The following CAMK2D variants were observed in gnomAD, a reference collection of about 807,000 sequenced individuals.
CAMK2D encodes calcium/calmodulin-dependent protein kinase type II subunit delta.
CAMK2D carries 37 observed loss-of-function variants against 84.0 expected under a neutral mutation model. That is an observed-to-expected ratio of 0.44 (90% CI 0.34 to 0.58). The LOEUF (loss-of-function observed/expected upper bound fraction) is 0.58. Among genes scored for constraint, CAMK2D ranks in the 20% least tolerant of loss-of-function variants. The pLI is 0.02. For missense variants in CAMK2D, 448 were observed against 652.5 expected, an observed-to-expected ratio of 0.69 and a Z score of 3.41; for synonymous variants, 202 against 212.5, an observed-to-expected ratio of 0.95 and a Z score of 0.43.
intron 6 of CAMK2D, among the ~76,000 whole-genome samples, chr4:113,543,994 T>C (rs1214572878): frequency 6.6e-6 from 1 of 152,054 alleles, no homozygotes; most frequent in Non-Finnish European, 1.5e-5. Flanking sequence ...GGTTTCACCA[T>C]GTTAGCCGGG....
At chr4:113,531,339 C>T (rs754753939) in intron 7 of CAMK2D, 40 bp from the exon 8 acceptor site, 7 of 1,005,594 alleles carry the variant, frequency 7.0e-6, no homozygotes, top group Non-Finnish European at 3.2e-6. Flanking sequence ...GTTGATTTGA[C>T]AAAACAATAT....
chr4:113,459,602 A>G (rs534245008), intron 18 of CAMK2D, among the ~76,000 whole-genome samples: 1 of 150,764 alleles, frequency 6.6e-6, no homozygotes, highest in South Asian at 2.1e-4. Context: ...TTATACATTA[A>G]CTGCAACTTG....
rs1369295681 is a variant in CAMK2D, at chr4:113,761,687, C to T, written c.-619G>A. 1 of 982,336 alleles carries T rather than the reference C, an allele frequency of 1.0e-6. No homozygotes were observed. The highest frequency in any genetic ancestry group is 1.2e-6 in the Non-Finnish European group (1 of 827,186). The allele number at this position is 982,336 out of a possible 1,614,324, so 60.9% of individuals were successfully genotyped here. On this transcript the variant is annotated 5_prime_UTR_variant, in exon 1 of 21. Transcript: ENST00000511664. ...CGGCGAAGCGAGGCACCTTGGCGGC[C>T]TCGCGCTGCTCACGAGCCCGCGCGG...
At chr4:113,545,373 A>G (rs1431905095) in intron 6 of CAMK2D, among the ~76,000 whole-genome samples, 2 of 152,230 alleles carry the variant, frequency 1.3e-5, no homozygotes, top group African/African-American at 4.8e-5. Context: ...ATGTGCATCA[A>G]ACATTTCTAT....
intron 2 of CAMK2D, among the ~76,000 whole-genome samples, chr4:113,676,913 G>A (rs1026640824): frequency 2.0e-5 from 3 of 152,146 alleles, no homozygotes; most frequent in African/African-American, 7.2e-5. Context: ...GACTCCCACT[G>A]CTTTGTAAAA....
rs868504756 is a variant in CAMK2D, at chr4:113,491,731, C to T, written c.1135+8732G>A. Among the ~76,000 whole-genome samples, 745 of 152,138 alleles carry T rather than the reference C, an allele frequency of 4.9e-3. 7 individuals are homozygous for T. The highest frequency in any genetic ancestry group is 0.014 in the African/African-American group (575 of 41,502). On this transcript the variant is annotated intron_variant, in intron 16 of 20. Coordinates refer to ENST00000511664, the MANE Select transcript of CAMK2D (RefSeq NM_001321571.2). ...AGAAGGAATGGTACCAGTTCCTCCT[C>T]GTACCTCTGGTAGAATTCGGCTGTG... is the stretch of plus-strand genomic sequence containing the variant.
intron 2 of CAMK2D, among the ~76,000 whole-genome samples, chr4:113,758,503 A>C (rs919298503): frequency 1.3e-5 from 2 of 152,186 alleles, no homozygotes; most frequent in Non-Finnish European, 2.9e-5. Flanking sequence ...ATGAGCGTAC[A>C]CTATGGTATT....
intron 8 of CAMK2D, among the ~76,000 whole-genome samples, chr4:113,521,549 G>A (rs1288455980): frequency 2.0e-5 from 3 of 152,050 alleles, no homozygotes; most frequent in Non-Finnish European, 2.9e-5. Flanking sequence ...TGCTGTCTTG[G>A]AGCTACAGTT....
intron 16 of CAMK2D, among the ~76,000 whole-genome samples, chr4:113,496,446 CTTTTTTT>C (rs543371495): frequency 1.7e-5 from 2 of 120,706 alleles, no homozygotes; most frequent in South Asian, 2.7e-4. Context: ...CTCCCATTTG[CTTTTTTT>C]TTTTTTTTTT....
chr4:113,663,269 TA>T, intron 2 of CAMK2D, among the ~76,000 whole-genome samples: 1 of 152,032 alleles, frequency 6.6e-6, no homozygotes, highest in Non-Finnish European at 1.5e-5. Context: ...ATACCATAAA[TA>T]TTGCAAAGTG....
rs1039529054 is a variant in CAMK2D, at chr4:113,457,445, A to G, written c.1425T>C (p.Ser475=). ...CTGACTGCATTGTCTTTGGCATTCC[A>G]CTGCCATCCATGTACTGTGTGAGCC... ...YIRLTQYMDG[S]GMPKTMQSEE... is the part of the protein sequence containing the mutation. The change falls in exon 19 of 21, where the codon AGT becomes AGC. Residue 475 remains serine (S), a synonymous_variant. Coordinates refer to ENST00000511664, the MANE Select transcript of CAMK2D (RefSeq NM_001321571.2). The G allele has an allele frequency of 6.2e-7, 1 of 1,613,738 alleles. No individual in the cohort carries two copies. Among genetic ancestry groups the G allele is most frequent in the African/African-American group, 1.3e-5 (1 of 74,880 alleles).
At chr4:113,606,439 A>C (rs1426158652) in intron 4 of CAMK2D, among the ~76,000 whole-genome samples, 2 of 151,702 alleles carry the variant, frequency 1.3e-5, no homozygotes, top group African/African-American at 4.8e-5. Context: ...CACTGCACTC[A>C]AGCCTGAATC....
intron 4 of CAMK2D, among the ~76,000 whole-genome samples, chr4:113,588,537 A>G (rs1050068783): frequency 1.3e-5 from 2 of 152,200 alleles, no homozygotes; most frequent in African/African-American, 2.4e-5. Context: ...CTGACCAAAA[A>G]TCAATTTCTA....
Position 113,625,332 on chromosome 4 carries a change from T to A in CAMK2D, c.221-16126A>T, listed in dbSNP as rs114071174. Among the ~76,000 whole-genome samples the A allele has an allele frequency of 6.7e-3, 1,021 of 152,214 alleles. 15 individuals carry two copies. Among genetic ancestry groups the A allele is most frequent in the African/African-American group, 0.023 (972 of 41,526 alleles). On this transcript the variant is annotated intron_variant, in intron 3 of 20. Coordinates refer to ENST00000511664, the MANE Select transcript of CAMK2D (RefSeq NM_001321571.2). ...TTATGTGCAAATATGAGAAGACTGA[T>A]CAATATTAAGCAAATATGTAAATAT...
intron 6 of CAMK2D, among the ~76,000 whole-genome samples, chr4:113,545,518 T>G (rs2098559329): frequency 6.6e-6 from 1 of 152,222 alleles, no homozygotes; most frequent in Non-Finnish European, 1.5e-5. Context: ...ACTATATTGG[T>G]AAACATGCTA....
intron 2 of CAMK2D, among the ~76,000 whole-genome samples, chr4:113,709,456 T>A (rs1593359771): frequency 6.6e-6 from 1 of 151,314 alleles, no homozygotes; most frequent in African/African-American, 2.4e-5. Flanking sequence ...ACAGAAAAAA[T>A]TAGTAGAAAA....
intron 3 of CAMK2D, among the ~76,000 whole-genome samples, chr4:113,660,819 G>A (rs1334770609): frequency 7.4e-6 from 1 of 135,202 alleles, no homozygotes; most frequent in African/African-American, 2.8e-5. Flanking sequence ...TTTTGAGACA[G>A]AGTCTCGCTC....
chr4:113,606,330 C>T (rs190463792), intron 4 of CAMK2D, among the ~76,000 whole-genome samples: 2 of 151,744 alleles, frequency 1.3e-5, no homozygotes, highest in Non-Finnish European at 2.9e-5. Context: ...AATTAGCCGG[C>T]ATGGTGGCGC....
chr4:113,517,556 T>G lies in CAMK2D; in HGVS notation c.696+7A>C. On this transcript the variant is annotated splice_region_variant and intron_variant, in intron 9 of 20. Coordinates refer to ENST00000511664, the MANE Select transcript of CAMK2D (RefSeq NM_001321571.2). ...CATCTAAAGTGATATAAATAGTTATTACATACATCATAAGCTCCAGCCTTG... is the reference window on the plus strand; with the variant it reads ...CATCTAAAGTGATATAAATAGTTATGACATACATCATAAGCTCCAGCCTTG... 1.4e-6 allele frequency: 2 copies of G among 1,389,072 alleles called. No individual in the cohort carries two copies. The highest frequency in any genetic ancestry group is 2.0e-6 in the Non-Finnish European group (2 of 982,238). 86.0% of individuals were successfully genotyped at this position (1,389,072 alleles called of 1,614,324 possible). A position where few individuals can be genotyped will look rare whatever the true frequency, so the allele number is the denominator to read the frequency against.
Sources: gnomAD v4.1 joint callset for allele counts (sites outside exome capture counted in the v4.1 genomes callset) on GRCh38, gnomAD v4.1.1 for gene constraint, MANE v1.5 for transcripts, NCBI Gene and HGNC (gene_info 2026-07-23, HGNC 2026-07-21) for gene names.